ENOX1: variants seen among roughly 807,000 people sequenced by gnomAD.
ENOX1 encodes the protein ecto-NOX disulfide-thiol exchanger 1, also known as candidate growth-related and time keeping constitutive hydroquinone (NADH) oxidase.
Under a neutral mutation model 82.5 loss-of-function variants are expected in ENOX1, and 42 were observed. That is an observed-to-expected ratio of 0.51 (90% CI 0.40 to 0.66). The LOEUF is 0.66. ENOX1 is among the 30% of genes least tolerant of loss of function. The probability of loss-of-function intolerance (pLI) is 0.00; values close to 1 mark genes in which losing one functional copy is unlikely to be tolerated. For missense variants in ENOX1, 608 were observed against 811.6 expected (o/e 0.75, Z 3.05); for synonymous variants, 271 against 282.2 (o/e 0.96, Z 0.40).
intron 15 of ENOX1, among the ~76,000 whole-genome samples, chr13:43,230,148 G>A (rs1263109625): frequency 6.6e-6 from 1 of 152,234 alleles, no homozygotes; most frequent in African/African-American, 2.4e-5. Context: ...ATAAGAAAGT[G>A]TGGCATCATG....
intron 2 of ENOX1, among the ~76,000 whole-genome samples, chr13:43,612,094 G>A (rs1390270661): frequency 6.6e-6 from 1 of 152,168 alleles, no homozygotes; most frequent in East Asian, 1.9e-4. Context: ...TGTTTTGTGG[G>A]TAGAGTTGAT....
intron 2 of ENOX1, among the ~76,000 whole-genome samples, chr13:43,486,186 G>C (rs138784429): frequency 2.0e-5 from 3 of 152,214 alleles, no homozygotes; most frequent in Admixed American, 1.3e-4. Flanking sequence ...TTCCAGCCTG[G>C]GTGACAGAGC....
intron 1 of ENOX1, among the ~76,000 whole-genome samples, chr13:43,776,605 G>C (rs1951932943): frequency 6.6e-6 from 1 of 152,220 alleles, no homozygotes; most frequent in African/African-American, 2.4e-5. Context: ...CTACTCAGGT[G>C]ATGGAGGTGC....
intron 1 of ENOX1, among the ~76,000 whole-genome samples, chr13:43,745,907 G>A (rs559479769): frequency 4.6e-4 from 70 of 152,194 alleles, no homozygotes; most frequent in Non-Finnish European, 3.8e-4. Context: ...TTCCCCTTCC[G>A]CCATGATTGT....
chr13:43,483,223 T>C (rs933431410), intron 3 of ENOX1, among the ~76,000 whole-genome samples: 2 of 152,224 alleles, frequency 1.3e-5, no homozygotes, highest in African/African-American at 4.8e-5. Flanking sequence ...ATCCACTCAA[T>C]GTACCAAGCC....
chr13:43,628,130 G>C (rs990545081), intron 2 of ENOX1, among the ~76,000 whole-genome samples: 12 of 152,100 alleles, frequency 7.9e-5, no homozygotes, highest in African/African-American at 2.4e-4. Flanking sequence ...GAATCTGTAG[G>C]TTTATATCTT....
intron 1 of ENOX1, among the ~76,000 whole-genome samples, chr13:43,725,108 T>A (rs1022712092): frequency 5.3e-5 from 8 of 152,276 alleles, no homozygotes; most frequent in African/African-American, 1.7e-4. Flanking sequence ...TGTCTCACTT[T>A]CCTTGATTAT....
At chr13:43,330,472 C>A (rs926331074) in intron 9 of ENOX1, among the ~76,000 whole-genome samples, 1 of 151,984 alleles carries the variant, frequency 6.6e-6, no homozygotes, top group Non-Finnish European at 1.5e-5. Context: ...AATTTTTTTT[C>A]TTTGAGGGAT....
intron 1 of ENOX1, among the ~76,000 whole-genome samples, chr13:43,714,237 T>C (rs2087945960): frequency 6.6e-6 from 1 of 152,252 alleles, no homozygotes. Flanking sequence ...AGTGAGTTTC[T>C]TAATCCCGAG....
At chr13:43,737,540 G>A (rs1450002010) in intron 1 of ENOX1, among the ~76,000 whole-genome samples, 1 of 152,090 alleles carries the variant, frequency 6.6e-6, no homozygotes, top group Non-Finnish European at 1.5e-5. Context: ...AAATAGATGG[G>A]AACCCTTCCT....
At chr13:43,417,242 C>CGGGAGACGGGAGACGGGAGAGGGAGA (rs1400166015) in intron 3 of ENOX1, among the ~76,000 whole-genome samples, 3 of 82,762 alleles carry the variant, frequency 3.6e-5, no homozygotes, top group Non-Finnish European at 4.9e-5. Flanking sequence ...AGACGGGAGA[C>CGGGAGACGGGAGACGGGAGAGGGAGA]GGGAGAGGGA....
intron 2 of ENOX1, among the ~76,000 whole-genome samples, chr13:43,605,108 T>C (rs2081920097): frequency 6.6e-6 from 1 of 152,038 alleles, no homozygotes; most frequent in Admixed American, 6.6e-5. Flanking sequence ...ATATGTATTT[T>C]ACAAAAATAT....
At chr13:43,772,422 T>C (rs951225364) in intron 1 of ENOX1, among the ~76,000 whole-genome samples, 3 of 152,138 alleles carry the variant, frequency 2.0e-5, no homozygotes, top group Non-Finnish European at 2.9e-5. Context: ...CTGTGTCTGA[T>C]TGTAATTCCC....
At chr13:43,721,764 T>G (rs1325473605) in intron 1 of ENOX1, among the ~76,000 whole-genome samples, 1 of 152,140 alleles carries the variant, frequency 6.6e-6, no homozygotes, top group Non-Finnish European at 1.5e-5. Flanking sequence ...CCTTACAAAT[T>G]AGATAGACAG....
intron 1 of ENOX1, among the ~76,000 whole-genome samples, chr13:43,720,075 G>A (rs1236458937): frequency 2.1e-5 from 3 of 143,384 alleles, no homozygotes; most frequent in African/African-American, 7.5e-5. Context: ...ATTTTGAAGG[G>A]AAATTGTCTA....
chr13:43,530,073 T>C (rs1161783143), intron 2 of ENOX1, among the ~76,000 whole-genome samples: 1 of 152,106 alleles, frequency 6.6e-6, no homozygotes, highest in Non-Finnish European at 1.5e-5. Flanking sequence ...TCTAATATTT[T>C]ATGTTGCCTG....
At chr13:43,366,360 C>T (rs530566290) in intron 5 of ENOX1, among the ~76,000 whole-genome samples, 6 of 152,180 alleles carry the variant, frequency 3.9e-5, no homozygotes, top group South Asian at 2.1e-4. Flanking sequence ...CTGCAAGCTC[C>T]GCCTCCTGGG....
chr13:43,684,544 C>T (rs1372647471), intron 1 of ENOX1, among the ~76,000 whole-genome samples: 2 of 152,106 alleles, frequency 1.3e-5, no homozygotes, highest in African/African-American at 2.4e-5. Flanking sequence ...ATAGCAGATT[C>T]ATCAGTCCCA....
chr13:43,460,660 G>A (rs759604708), intron 3 of ENOX1, among the ~76,000 whole-genome samples: 3 of 152,018 alleles, frequency 2.0e-5, no homozygotes, highest in Non-Finnish European at 2.9e-5. Context: ...TGGGCATGGT[G>A]GCGGGCACCT....
Sources: allele counts gnomAD v4.1 joint callset (sites outside exome capture counted in the v4.1 genomes callset), GRCh38; gene constraint gnomAD v4.1.1; transcripts MANE v1.5; gene names NCBI Gene and HGNC (gene_info 2026-07-23, HGNC 2026-07-21).